CTNNA2: variants seen among roughly 807,000 people sequenced by gnomAD.
CTNNA2 encodes the protein catenin alpha-2.
A neutral mutation model predicts 101.0 loss-of-function variants in CTNNA2; 42 were observed. That is an observed-to-expected ratio of 0.42 (90% CI 0.32 to 0.54). The LOEUF (loss-of-function observed/expected upper bound fraction) is 0.54. Ranked by LOEUF, CTNNA2 falls within the 20% of genes least tolerant of loss-of-function variation. The pLI is 0.14. For synonymous variants in CTNNA2, 450 were observed against 456.4 expected, an observed-to-expected ratio of 0.99 and a Z score of 0.18; for missense variants, 871 against 1,223.1, an observed-to-expected ratio of 0.71 and a Z score of 4.29.
At chr2:79,790,728 C>G (rs1675207507) in intron 3 of CTNNA2, among the ~76,000 whole-genome samples, 1 of 152,158 alleles carries the variant, frequency 6.6e-6, no homozygotes. Flanking sequence ...CTATTTTCTT[C>G]AACTTCCAGT....
intron 2 of CTNNA2, among the ~76,000 whole-genome samples, chr2:79,682,436 GA>G (rs1683642219): frequency 7.4e-6 from 1 of 134,746 alleles, no homozygotes; most frequent in East Asian, 2.2e-4. Context: ...AAAAAAAGAA[GA>G]AAGAAAAATC....
At chr2:80,462,711 G>A (rs1684544719) in intron 9 of CTNNA2, among the ~76,000 whole-genome samples, 1 of 126,640 alleles carries the variant, frequency 7.9e-6, no homozygotes, top group Non-Finnish European at 1.6e-5. Flanking sequence ...TATTAATCTT[G>A]AGAGCAGCAT....
At chr2:79,767,227 T>C (rs932386825) in intron 3 of CTNNA2, among the ~76,000 whole-genome samples, 3 of 152,258 alleles carry the variant, frequency 2.0e-5, no homozygotes, top group African/African-American at 7.2e-5. Flanking sequence ...TAAATGTATC[T>C]GATAGAATTT....
At chr2:79,796,869 G>C (rs1033921227) in intron 3 of CTNNA2, among the ~76,000 whole-genome samples, 1 of 152,136 alleles carries the variant, frequency 6.6e-6, no homozygotes, top group Non-Finnish European at 1.5e-5. Context: ...GGAGTACTGT[G>C]TTAGCCCTCC....
chr2:80,586,619 A>G (rs1050823358), intron 14 of CTNNA2: 2 of 152,244 alleles, frequency 1.3e-5, no homozygotes, highest in African/African-American at 2.4e-5. Context: ...CTGTCTTGCT[A>G]TGAACACAAC....
Position 79,642,189 on chromosome 2 carries a change from A to G in CTNNA2, c.-5-9363A>G, listed in dbSNP as rs964114952. Among the ~76,000 whole-genome samples the G allele has an allele frequency of 2.0e-5, 3 of 152,220 alleles. No homozygotes were observed. In the South Asian group the frequency reaches 6.2e-4, roughly 31 times the overall value. ...TACAGTAATATTTTCAAATTATTAC[A>G]ATGATATTTTTGTTCAGCAGCACTT... On this transcript the variant is annotated intron_variant, in intron 1 of 18. Coordinates refer to ENST00000402739, the MANE Select transcript of CTNNA2 (RefSeq NM_001282597.3).
chr2:80,209,753 TGTTTCAGTCA>T (rs1474846168), intron 7 of CTNNA2, among the ~76,000 whole-genome samples: 19 of 152,190 alleles, frequency 1.2e-4, no homozygotes, highest in African/African-American at 4.3e-4. Flanking sequence ...ACCTGCAAGT[TGTTTCAGTCA>T]GTTAAGAGGT....
chr2:79,354,666 C>A (rs752180672), intron 3 of CTNNA2, among the ~76,000 whole-genome samples: 56 of 152,132 alleles, frequency 3.7e-4, no homozygotes, highest in Non-Finnish European at 6.0e-4. Flanking sequence ...CTCTGGGAGG[C>A]TCCCTGCCAG....
intron 1 of CTNNA2, among the ~76,000 whole-genome samples, chr2:79,554,379 G>C (rs1223878151): frequency 6.6e-6 from 1 of 152,058 alleles, no homozygotes; most frequent in African/African-American, 2.4e-5. Context: ...GATTGTTTGG[G>C]AAAAGAACTG....
intron 9 of CTNNA2, among the ~76,000 whole-genome samples, chr2:80,518,343 T>TA (rs1689262911): frequency 6.6e-6 from 1 of 152,300 alleles, no homozygotes; most frequent in Admixed American, 6.5e-5. Context: ...CCCTTCTTCC[T>TA]ACACCCACAG....
intron 7 of CTNNA2, among the ~76,000 whole-genome samples, chr2:79,951,252 T>G (rs1688858874): frequency 6.6e-6 from 1 of 152,180 alleles, no homozygotes; most frequent in African/African-American, 2.4e-5. Flanking sequence ...ACTAAAAAAG[T>G]ACAGATATCA....
chr2:79,345,908 C>T (rs1038957740), intron 3 of CTNNA2, among the ~76,000 whole-genome samples: 11 of 150,516 alleles, frequency 7.3e-5, no homozygotes, highest in Admixed American at 1.3e-4. Flanking sequence ...CCATTTTGCC[C>T]AGGCTGGTCT....
chr2:80,375,562 CTTTTTTTT>C (rs199662476), intron 7 of CTNNA2, among the ~76,000 whole-genome samples: 10 of 105,602 alleles, frequency 9.5e-5, no homozygotes, highest in South Asian at 3.3e-4. Flanking sequence ...TTTCTGGCTT[CTTTTTTTT>C]TTTTTTTTTT....
At chr2:79,229,937 A>C (rs945149144) in intron 2 of CTNNA2, among the ~76,000 whole-genome samples, 1 of 152,172 alleles carries the variant, frequency 6.6e-6, no homozygotes, top group Non-Finnish European at 1.5e-5. Context: ...TGAACTTGAG[A>C]GGGATAATTT....
chr2:79,327,902 A>C (rs562811617), intron 3 of CTNNA2, among the ~76,000 whole-genome samples: 1 of 152,200 alleles, frequency 6.6e-6, no homozygotes, highest in Non-Finnish European at 1.5e-5. Context: ...CTGTGAAATC[A>C]GAAGACTAGT....
At chr2:80,519,706 C>T (rs1392828976) in intron 9 of CTNNA2, among the ~76,000 whole-genome samples, 1 of 152,130 alleles carries the variant, frequency 6.6e-6, no homozygotes, top group African/African-American at 2.4e-5. Context: ...TAATATTTCC[C>T]TTAGATTGTA....
chr2:79,482,777 T>C (rs1035287044), intron 4 of CTNNA2, among the ~76,000 whole-genome samples: 3 of 152,206 alleles, frequency 2.0e-5, no homozygotes, highest in African/African-American at 7.2e-5. Context: ...ACTGACCTTA[T>C]CAGTCAGGAT....
intron 3 of CTNNA2, among the ~76,000 whole-genome samples, chr2:79,336,004 C>CA (rs1676986431): frequency 6.6e-6 from 1 of 152,166 alleles, no homozygotes; most frequent in Admixed American, 6.5e-5. Flanking sequence ...GTAAGAAATA[C>CA]TGCAATAAAT....
chr2:80,347,647 C>T (rs1438797188), intron 7 of CTNNA2, among the ~76,000 whole-genome samples: 1 of 151,462 alleles, frequency 6.6e-6, no homozygotes, highest in African/African-American at 2.4e-5. Context: ...CTGTATCTGA[C>T]ATTCCATGTG....
Sources: gnomAD v4.1 joint callset for allele counts (sites outside exome capture counted in the v4.1 genomes callset) on GRCh38, gnomAD v4.1.1 for gene constraint, MANE v1.5 for transcripts, NCBI Gene and HGNC (gene_info 2026-07-23, HGNC 2026-07-21) for gene names.